SNTG2: variants seen among roughly 807,000 people sequenced by gnomAD.
SNTG2 encodes the protein gamma-2-syntrophin.
In SNTG2, 74 loss-of-function variants were observed where a neutral mutation model predicts 70.9. The observed-to-expected ratio is 1.04, with a 90% CI of 0.86 to 1.27. SNTG2 has a LOEUF of 1.27. SNTG2 is among the 50% of genes most tolerant of loss of function. SNTG2 has a pLI of 0.00. For missense variants in SNTG2, 717 were observed against 690.7 expected (o/e 1.04, Z -0.43); for synonymous variants, 278 against 273.8 (o/e 1.02, Z -0.15).
chr2:1,293,157 CTTTTTT>C (rs71400092), intron 14 of SNTG2, among the ~76,000 whole-genome samples: 2 of 130,988 alleles, frequency 1.5e-5, no homozygotes, highest in Non-Finnish European at 3.3e-5. Context: ...TACTCTGTTA[CTTTTTT>C]TTTTTTTTTT....
intron 11 of SNTG2, among the ~76,000 whole-genome samples, chr2:1,244,695 C>CAA (rs558051455): frequency 0.069 from 6,049 of 88,128 alleles, 196 homozygotes; most frequent in Non-Finnish European, 0.091. Context: ...GACTCCATCT[C>CAA]AAAAAAAAAA....
chr2:1,302,944 C>T (rs1372139513), intron 14 of SNTG2, among the ~76,000 whole-genome samples: 1 of 152,042 alleles, frequency 6.6e-6, no homozygotes, highest in Non-Finnish European at 1.5e-5. Flanking sequence ...AAGACCCAGC[C>T]ATCCTAAGTG....
chr2:1,248,085 C>G (rs771980852), intron 12 of SNTG2, among the ~76,000 whole-genome samples: 1 of 152,186 alleles, frequency 6.6e-6, no homozygotes, highest in Non-Finnish European at 1.5e-5. Flanking sequence ...GGTACCTACA[C>G]GTTTTGGATG....
At chr2:1,044,870 T>C (rs189489307) in intron 1 of SNTG2, among the ~76,000 whole-genome samples, 5 of 152,210 alleles carry the variant, frequency 3.3e-5, no homozygotes, top group Admixed American at 3.3e-4. Flanking sequence ...GATGTGTCGC[T>C]GAGAGGTTTT....
chr2:1,348,822 A>G (rs1434956332), intron 16 of SNTG2, among the ~76,000 whole-genome samples: 1 of 152,238 alleles, frequency 6.6e-6, no homozygotes, highest in African/African-American at 2.4e-5. Flanking sequence ...ATTGTTGTAC[A>G]GTTGAACAGA....
chr2:989,167 T>C (rs55839937), intron 1 of SNTG2, among the ~76,000 whole-genome samples: 13,143 of 152,286 alleles, frequency 0.086, 747 homozygotes, highest in South Asian at 0.21. Flanking sequence ...AATCATGTTA[T>C]CTGGGATAAA....
intron 16 of SNTG2, among the ~76,000 whole-genome samples, chr2:1,347,584 G>C (rs377605867): frequency 6.6e-6 from 1 of 152,210 alleles, no homozygotes; most frequent in Non-Finnish European, 1.5e-5. Context: ...TCAGGCCCCT[G>C]TCTGGCTCCC....
intron 16 of SNTG2, among the ~76,000 whole-genome samples, chr2:1,348,784 T>C (rs1660431518): frequency 6.6e-6 from 1 of 152,258 alleles, no homozygotes; most frequent in African/African-American, 2.4e-5. Context: ...TCAAATATTT[T>C]ACAGAGTTTG....
chr2:1,115,811 C>A (rs1466236529), intron 4 of SNTG2, among the ~76,000 whole-genome samples: 1 of 152,244 alleles, frequency 6.6e-6, no homozygotes, highest in Non-Finnish European at 1.5e-5. Flanking sequence ...TAAGAAGAGT[C>A]TCCCTTGTGC....
At chr2:1,141,236 T>C (rs6548203) in intron 6 of SNTG2, among the ~76,000 whole-genome samples, 71,761 of 151,824 alleles carry the variant, frequency 0.47, 17,898 homozygotes, top group East Asian at 0.64. Context: ...TTCCATTTAA[T>C]GACATGTGTT....
At chr2:1,203,047 A>G (rs1465687842) in intron 8 of SNTG2, among the ~76,000 whole-genome samples, 4 of 152,178 alleles carry the variant, frequency 2.6e-5, no homozygotes, top group Non-Finnish European at 5.9e-5. Context: ...GAACTACACT[A>G]CCTTATGAAT....
intron 8 of SNTG2, among the ~76,000 whole-genome samples, chr2:1,179,220 G>C (rs543991097): frequency 6.6e-6 from 1 of 151,924 alleles, no homozygotes. Flanking sequence ...CTTGCTAGCG[G>C]TCTATCAATT....
chr2:1,289,820 A>G (rs1215285196), intron 14 of SNTG2, among the ~76,000 whole-genome samples: 2 of 152,166 alleles, frequency 1.3e-5, no homozygotes, highest in African/African-American at 4.8e-5. Flanking sequence ...CATGGTAGCC[A>G]CTATTCCACT....
chr2:1,285,863 G>C (rs1679743227), intron 14 of SNTG2, among the ~76,000 whole-genome samples: 1 of 152,126 alleles, frequency 6.6e-6, no homozygotes, highest in Non-Finnish European at 1.5e-5. Flanking sequence ...GCCTGGATTG[G>C]GCTGTTGTGG....
At chr2:1,111,384 A>G (rs965880345) in intron 4 of SNTG2, among the ~76,000 whole-genome samples, 4 of 152,212 alleles carry the variant, frequency 2.6e-5, no homozygotes, top group Non-Finnish European at 5.9e-5. Context: ...GAGTCAGCGT[A>G]CGGCCGGGCC....
Position 1,155,177 on chromosome 2 carries a change from C to CA in SNTG2, c.412-10371_412-10370insA, listed in dbSNP as rs1288624681. 4.8e-3 allele frequency among the ~76,000 whole-genome samples: 698 copies of CA among 145,684 alleles called. 9 individuals are homozygous for CA. Among genetic ancestry groups the CA allele is most frequent in the Admixed American group, 0.01 (142 of 13,992 alleles). ...TACACACACACACGTAGACCCCCCC[C>CA]CCACACACATATATAGACCACACAC... is the stretch of plus-strand genomic sequence containing the variant. On this transcript the variant is annotated intron_variant, in intron 6 of 16. Coordinates refer to ENST00000308624, the MANE Select transcript of SNTG2 (RefSeq NM_018968.4).
chr2:1,342,048 T>G (rs1435737826), intron 16 of SNTG2, among the ~76,000 whole-genome samples: 1 of 152,158 alleles, frequency 6.6e-6, no homozygotes, highest in East Asian at 1.9e-4. Context: ...TGCTGTAGCC[T>G]GGGACTTAGG....
At chr2:1,165,936 T>A (rs577131511) in intron 7 of SNTG2, among the ~76,000 whole-genome samples, 1 of 152,184 alleles carries the variant, frequency 6.6e-6, no homozygotes, top group African/African-American at 2.4e-5. Context: ...TTTATCTATA[T>A]GTTAACGTAG....
chr2:1,354,446 G>C lies in SNTG2; in HGVS notation c.1489-12897G>C, dbSNP rs1407134692. On this transcript the variant is annotated intron_variant, in intron 16 of 16. Transcript: ENST00000308624. ...GTTTCCATGGGGGAAGTGGAAGAAC[G>C]CCGGGCTGGAGCTCAGGGACTGGGT... Among the ~76,000 whole-genome samples the C allele has an allele frequency of 9.6e-5, 5 of 51,992 alleles. 1 individual carries two copies. The highest frequency in any genetic ancestry group is 5.2e-4 in the African/African-American group (5 of 9,536). The allele number at this position is 51,992 out of a possible 152,430, so 34.1% of individuals were successfully genotyped here.
Sources: gnomAD v4.1 joint callset for allele counts (sites outside exome capture counted in the v4.1 genomes callset) on GRCh38, gnomAD v4.1.1 for gene constraint, MANE v1.5 for transcripts, NCBI Gene and HGNC (gene_info 2026-07-23, HGNC 2026-07-21) for gene names.